ATP2B2: variants seen among roughly 807,000 people sequenced by gnomAD.
The protein encoded by ATP2B2 is ATPase plasma membrane Ca2+ transporting 2, also known as plasma membrane calcium-transporting ATPase 2.
ATP2B2 carries 15 observed loss-of-function variants against 120.0 expected under a neutral mutation model. The observed-to-expected ratio is 0.12, with a 90% CI of 0.08 to 0.19. The LOEUF (loss-of-function observed/expected upper bound fraction) is 0.19, where lower values mean the gene tolerates loss of function less well. Among genes scored for constraint, ATP2B2 ranks in the 10% least tolerant of loss-of-function variants. The probability of loss-of-function intolerance (pLI) is 1.00; values close to 1 mark genes in which losing one functional copy is unlikely to be tolerated. For synonymous variants in ATP2B2, 694 were observed against 700.3 expected (o/e 0.99, Z 0.14); for missense variants, 1,045 against 1,719.8 (o/e 0.61, Z 6.94).
intron 1 of ATP2B2, among the ~76,000 whole-genome samples, chr3:10,661,106 T>C (rs560633065): frequency 4.3e-4 from 66 of 152,270 alleles, no homozygotes; most frequent in African/African-American, 1.4e-3. Context: ...CTTAAAATAA[T>C]AAGAGCTGTT....
Position 10,347,036 on chromosome 3 carries a change from A to T in ATP2B2, c.2405-899T>A, listed in dbSNP as rs527792160. Among the ~76,000 whole-genome samples the T allele has an allele frequency of 1.8e-4, 28 of 152,004 alleles. No homozygotes were observed. The highest frequency in any genetic ancestry group is 1.0e-3 in the Admixed American group (16 of 15,260). ...CAACCTCAGGATCTCTCTAACACCC[A>T]TGTCTGAACCAGTTCCGTCCCCCAG... On this transcript the variant is annotated intron_variant, in intron 16 of 22. Coordinates refer to ENST00000360273, the MANE Select transcript of ATP2B2 (RefSeq NM_001001331.4). The surrounding 1 kb of genome is among the most constrained non-coding windows in gnomAD (Gnocchi z 5.2).
intron 2 of ATP2B2, among the ~76,000 whole-genome samples, chr3:10,543,446 C>T (rs775951522): frequency 4.6e-4 from 70 of 152,324 alleles, no homozygotes; most frequent in Middle Eastern, 6.8e-3. Context: ...TCAATTAAAA[C>T]ATCAATCATA....
At chr3:10,641,514 C>A (rs62240222) in intron 1 of ATP2B2, among the ~76,000 whole-genome samples, 1 of 152,190 alleles carries the variant, frequency 6.6e-6, no homozygotes, top group African/African-American at 2.4e-5. Flanking sequence ...TTTTTAAATA[C>A]TAAATATTTT....
intron 1 of ATP2B2, among the ~76,000 whole-genome samples, chr3:10,643,536 T>C (rs1186139009): frequency 6.6e-6 from 1 of 152,092 alleles, no homozygotes; most frequent in Non-Finnish European, 1.5e-5. Flanking sequence ...AAAATTCCCA[T>C]CTCCATTGTG....
At chr3:10,661,233 G>T (rs536036457) in intron 1 of ATP2B2, among the ~76,000 whole-genome samples, 69 of 152,084 alleles carry the variant, frequency 4.5e-4, no homozygotes, top group Non-Finnish European at 8.5e-4. Context: ...ACATAGTGTT[G>T]GAAGTTCTGG....
chr3:10,520,265 G>C (rs2066957019), intron 3 of ATP2B2, among the ~76,000 whole-genome samples: 1 of 152,192 alleles, frequency 6.6e-6, no homozygotes, highest in Non-Finnish European at 1.5e-5. Flanking sequence ...GGGGCCTGGA[G>C]GGAGAGGCCC....
intron 1 of ATP2B2, among the ~76,000 whole-genome samples, chr3:10,624,628 A>G (rs1389096865): frequency 6.6e-6 from 1 of 152,240 alleles, no homozygotes; most frequent in East Asian, 1.9e-4. Context: ...GACACTAGCT[A>G]TAAATAACCA....
At chr3:10,360,805 A>G (rs2060875470) in intron 12 of ATP2B2, among the ~76,000 whole-genome samples, 1 of 152,170 alleles carries the variant, frequency 6.6e-6, no homozygotes, top group East Asian at 1.9e-4. Context: ...TGTATTTTCT[A>G]TGCAATGGCA....
At chr3:10,341,378 T>A (rs570872553) in intron 19 of ATP2B2, among the ~76,000 whole-genome samples, 2 of 152,348 alleles carry the variant, frequency 1.3e-5, no homozygotes, top group African/African-American at 4.8e-5. Context: ...TGGCGTGATC[T>A]CAGCTCACTG....
chr3:10,566,758 C>T (rs2068018518), intron 2 of ATP2B2, among the ~76,000 whole-genome samples: 1 of 152,192 alleles, frequency 6.6e-6, no homozygotes, highest in African/African-American at 2.4e-5. Flanking sequence ...ACCTGAGTGA[C>T]ATGCTGGTTC....
chr3:10,343,781 C>T lies in ATP2B2; in HGVS notation c.2704-816G>A, dbSNP rs139528359. 6.6e-6 allele frequency among the ~76,000 whole-genome samples: 1 copy of T among 152,270 alleles called. No individual in the cohort carries two copies. The highest frequency in any genetic ancestry group is 1.9e-4 in the East Asian group (1 of 5,172). ...TCTCGGCCAGATGTCACTGACCTCGCCCCTGCACTCCCACTTGTAATCCTG... is the reference window on the plus strand; with the variant it reads ...TCTCGGCCAGATGTCACTGACCTCGTCCCTGCACTCCCACTTGTAATCCTG... On this transcript the variant is annotated intron_variant, in intron 18 of 22. Coordinates refer to ENST00000360273, the MANE Select transcript of ATP2B2 (RefSeq NM_001001331.4). This position sits in a 1 kb window ranked among gnomAD's most constrained non-coding sequence, Gnocchi z 4.2.
rs188732091 is a variant in ATP2B2 at position 10,611,358 on chromosome 3, G to A, written c.-415+8559C>T. ...TGGGCATGTTTGGCGTTGGGGTGTGGCTGCGGAGAGCTTGGGCAGAGGGGT... is the reference window on the plus strand; with the variant it reads ...TGGGCATGTTTGGCGTTGGGGTGTGACTGCGGAGAGCTTGGGCAGAGGGGT... On this transcript the variant is annotated intron_variant, in intron 2 of 21. Coordinates refer to the ATP2B2 transcript ENST00000646379. Among the ~76,000 whole-genome samples the A allele has an allele frequency of 2.2e-4, 34 of 152,342 alleles. 1 individual carries two copies. Among genetic ancestry groups the A allele is most frequent in the African/African-American group, 7.9e-4 (33 of 41,580 alleles).
chr3:10,386,487 C>T lies in ATP2B2; in HGVS notation c.933G>A (p.Gln311=), dbSNP rs979612521. ...KKGVKKGDGL[Q]LPAADGAAAS... ...GAGGGTGTCTTACTGTACCTGGTAG[C>T]TGAAGGCCATCCCCCTTCTTCACAC... Residue 311 remains glutamine, a synonymous_variant, in exon 7 of 23, where the codon CAG becomes CAA. Coordinates refer to ENST00000360273, the MANE Select transcript of ATP2B2 (RefSeq NM_001001331.4). The T allele has an allele frequency of 2.5e-6, 4 of 1,614,032 alleles. No individual in the cohort carries two copies. The African/African-American group carries it at 5.3e-5, about 22-fold the overall frequency.
chr3:10,675,881 C>G (rs1394580125), intron 1 of ATP2B2, among the ~76,000 whole-genome samples: 2 of 152,180 alleles, frequency 1.3e-5, no homozygotes, highest in African/African-American at 4.8e-5. Context: ...ATTCATCTTC[C>G]AGGCCTCAGC....
intron 1 of ATP2B2, among the ~76,000 whole-genome samples, chr3:10,505,186 C>T (rs571960467): frequency 2.0e-5 from 3 of 152,146 alleles, no homozygotes; most frequent in South Asian, 2.1e-4. Flanking sequence ...TTGTCCGAGG[C>T]CCCCCTGTCC....
chr3:10,491,197 C>T (rs943368340), intron 1 of ATP2B2, among the ~76,000 whole-genome samples: 5 of 151,328 alleles, frequency 3.3e-5, no homozygotes, highest in Non-Finnish European at 7.4e-5. Context: ...GTGTTGGGCA[C>T]TGCACATGTG....
At chr3:10,503,279 G>A (rs1398555808) in intron 1 of ATP2B2, among the ~76,000 whole-genome samples, 1 of 152,232 alleles carries the variant, frequency 6.6e-6, no homozygotes, top group Admixed American at 6.5e-5. Context: ...GTTTCCTGAT[G>A]CCAGGGAGAG....
chr3:10,495,810 G>C (rs954647601), intron 1 of ATP2B2, among the ~76,000 whole-genome samples: 1 of 152,262 alleles, frequency 6.6e-6, no homozygotes, highest in Non-Finnish European at 1.5e-5. Flanking sequence ...GGCTCTGGAA[G>C]CTCTAAATAC....
intron 1 of ATP2B2, among the ~76,000 whole-genome samples, chr3:10,461,824 C>T: frequency 6.6e-6 from 1 of 152,170 alleles, no homozygotes; most frequent in African/African-American, 2.4e-5. Flanking sequence ...TCTCCAACTC[C>T]CTGGCCCTAA....
Sources: gnomAD v4.1 joint callset for allele counts (sites outside exome capture counted in the v4.1 genomes callset) on GRCh38, gnomAD v4.1.1 for gene constraint, Gnocchi (gnomAD v3.1) non-coding constraint, MANE v1.5 for transcripts, NCBI Gene and HGNC (gene_info 2026-07-23, HGNC 2026-07-21) for gene names.